The following CCDC6 variants were observed in gnomAD, a reference collection of about 807,000 sequenced individuals.
The protein encoded by CCDC6 is coiled-coil domain-containing protein 6.
A neutral mutation model predicts 56.6 loss-of-function variants in CCDC6; 20 were observed. The ratio of observed to expected loss-of-function variants is 0.35; its 90% CI spans 0.25 to 0.51. CCDC6 has a LOEUF of 0.51. Ranked by LOEUF, CCDC6 falls within the 20% of genes least tolerant of loss-of-function variation. CCDC6 has a pLI of 0.95. For missense variants in CCDC6, 367 were observed against 601.1 expected (o/e 0.61, Z 4.07); for synonymous variants, 241 against 234.4 (o/e 1.03, Z -0.26).
At chr10:59,880,522 G>C (rs907946240) in intron 1 of CCDC6, among the ~76,000 whole-genome samples, 4 of 152,238 alleles carry the variant, frequency 2.6e-5, no homozygotes, top group South Asian at 4.1e-4. Flanking sequence ...TGGCCGGAAG[G>C]GGGCACAGTG....
chr10:59,838,773 A>T (rs1352493302), intron 2 of CCDC6, among the ~76,000 whole-genome samples: 2 of 152,048 alleles, frequency 1.3e-5, no homozygotes, highest in Non-Finnish European at 2.9e-5. Flanking sequence ...TCTTACAGAA[A>T]CCATGCCACT....
At chr10:59,827,599 G>T (rs2070798940) in intron 3 of CCDC6, among the ~76,000 whole-genome samples, 1 of 152,164 alleles carries the variant, frequency 6.6e-6, no homozygotes, top group Admixed American at 6.5e-5. Flanking sequence ...TGAACCCAGG[G>T]AAGTTTCCCT....
At chr10:59,866,864 C>T (rs1186915755) in intron 1 of CCDC6, among the ~76,000 whole-genome samples, 1 of 152,138 alleles carries the variant, frequency 6.6e-6, no homozygotes, top group Admixed American at 6.5e-5. Flanking sequence ...GCTGTCAGTG[C>T]CTGAACATCA....
intron 8 of CCDC6, among the ~76,000 whole-genome samples, chr10:59,793,635 G>A (rs535773640): frequency 9.2e-5 from 14 of 152,222 alleles, no homozygotes; most frequent in South Asian, 8.3e-4. Flanking sequence ...AATACAAAAA[G>A]CAGCCAGGTG....
Position 59,814,599 on chromosome 10 carries a change from A to AACACACACACAC in CCDC6, c.686+41_686+52dup. 4 of 927,202 alleles carry AACACACACACAC rather than the reference A, an allele frequency of 4.3e-6. 1 individual carries two copies. The highest frequency in any genetic ancestry group is 2.8e-5 in the South Asian group (2 of 71,902). The allele number at this position is 927,202 out of a possible 1,614,324, so 57.4% of individuals were successfully genotyped here. On this transcript the variant is annotated intron_variant, in intron 4 of 8. Coordinates refer to ENST00000263102, the MANE Select transcript of CCDC6 (RefSeq NM_005436.5). ...ATTCCTCAGTCACACCCAGAGCAGC[A>AACACACACACAC]ACACACACACACACACACACACACC...
In CCDC6 at chr10:59,804,447, GAGA is replaced by G. The variant is rs766382605; in HGVS notation, c.1075_1077del (p.Ser359del). On this transcript the variant is annotated inframe_deletion, in exon 7 of 9. Coordinates refer to ENST00000263102, the MANE Select transcript of CCDC6 (RefSeq NM_005436.5). ...GGTGATATAGGCCTGCTTGAACTCG[GAGA>G]AGGTGTGTAAGGGATCGGGCTGGAC... 5.1e-5 allele frequency: 83 copies of G among 1,612,532 alleles called. No individual in the cohort carries two copies. Among genetic ancestry groups the G allele is most frequent in the Non-Finnish European group, 6.9e-5 (81 of 1,178,708 alleles).
chr10:59,849,746 G>A (rs1356072311), intron 2 of CCDC6, among the ~76,000 whole-genome samples: 1 of 152,080 alleles, frequency 6.6e-6, no homozygotes, highest in African/African-American at 2.4e-5. Flanking sequence ...TCTCTTAGCA[G>A]GCTTTTTTTT....
intron 7 of CCDC6, among the ~76,000 whole-genome samples, chr10:59,799,471 T>C (rs893344398): frequency 9.9e-5 from 15 of 152,184 alleles, no homozygotes; most frequent in Non-Finnish European, 1.0e-4. Flanking sequence ...ACTTCTGCAT[T>C]TGGCTTCAAA....
At chr10:59,884,306 G>C (rs1435911425) in intron 1 of CCDC6, among the ~76,000 whole-genome samples, 1 of 152,150 alleles carries the variant, frequency 6.6e-6, no homozygotes, top group Admixed American at 6.6e-5. Flanking sequence ...AAAAAGAAAG[G>C]ATTTCAGGTC....
rs527776497 is a variant in CCDC6 at position 59,836,818 on chromosome 10, G to A, written c.454-4165C>T. The stretch of plus-strand genomic sequence containing the variant: ...TCCCTCAGCAGATCACATTTTCAAC[G>A]GAATTAGGGTTATATAAATAAAAGT... On this transcript the variant is annotated intron_variant, in intron 2 of 8. Coordinates refer to ENST00000263102, the MANE Select transcript of CCDC6 (RefSeq NM_005436.5). Among the ~76,000 whole-genome samples, 9 of 152,196 alleles carry A rather than the reference G, an allele frequency of 5.9e-5. No individual in the cohort carries two copies. In the East Asian group the frequency reaches 1.3e-3, roughly 23 times the overall value.
At chr10:59,851,289 C>T (rs966850873) in intron 2 of CCDC6, among the ~76,000 whole-genome samples, 1 of 152,044 alleles carries the variant, frequency 6.6e-6, no homozygotes, top group Non-Finnish European at 1.5e-5. Flanking sequence ...GTGAGACATA[C>T]TAAAAGGTCA....
chr10:59,842,986 T>A (rs140960129), intron 2 of CCDC6, among the ~76,000 whole-genome samples: 1,826 of 151,088 alleles, frequency 0.012, 51 homozygotes, highest in Admixed American at 0.058. Flanking sequence ...ATCTCCCGAC[T>A]TCGTGATCCA....
intron 1 of CCDC6, among the ~76,000 whole-genome samples, chr10:59,883,077 T>G (rs1319869755): frequency 1.3e-5 from 2 of 152,158 alleles, no homozygotes; most frequent in Non-Finnish European, 2.9e-5. Flanking sequence ...GATATATTCG[T>G]ACCCCCGAAA....
At chr10:59,888,605 G>C (rs1377123208) in intron 1 of CCDC6, among the ~76,000 whole-genome samples, 1 of 152,164 alleles carries the variant, frequency 6.6e-6, no homozygotes, top group Non-Finnish European at 1.5e-5. Flanking sequence ...GGGAGACAAG[G>C]ATAATACCTT....
chr10:59,866,568 G>A lies in CCDC6; in HGVS notation c.304-13866C>T, dbSNP rs568524543. On this transcript the variant is annotated intron_variant, in intron 1 of 8. Transcript: ENST00000263102. ...TGATTGTATTCCTGGCAACATGGCA[G>A]GCTCTTCCATACAGTATCACATCCA... Among the ~76,000 whole-genome samples, 5 of 152,308 alleles carry A rather than the reference G, an allele frequency of 3.3e-5. No individual in the cohort carries two copies. The East Asian group carries it at 9.7e-4, about 29-fold the overall frequency.
rs774742619 is a variant in CCDC6, at chr10:59,792,764, T to C, written c.*153A>G. On this transcript the variant is annotated 3_prime_UTR_variant, in exon 9 of 9. Transcript: ENST00000263102. ...AGACCCACAACACTGGCTGCATTTCTGACAAACATTTACAACACAATGGAT... is the reference window on the plus strand; with the variant it reads ...AGACCCACAACACTGGCTGCATTTCCGACAAACATTTACAACACAATGGAT... The C allele has an allele frequency of 1.1e-6, 1 of 872,988 alleles. No individual in the cohort carries two copies. The highest frequency in any genetic ancestry group is 1.3e-5 in the South Asian group (1 of 75,904). The allele number at this position is 872,988 out of a possible 1,614,324, so 54.1% of individuals were successfully genotyped here.
At chr10:59,860,721 T>A (rs1017858848) in intron 1 of CCDC6, among the ~76,000 whole-genome samples, 1 of 152,072 alleles carries the variant, frequency 6.6e-6, no homozygotes, top group Non-Finnish European at 1.5e-5. Flanking sequence ...CCCATATACA[T>A]GACCTAATAG....
At position 59,812,765 on chromosome 10, in the gene CCDC6, G is replaced by A. The variant is rs774944149; in HGVS notation, c.717C>T (p.Val239=). 2 of 1,609,694 alleles carry A rather than the reference G, an allele frequency of 1.2e-6. No homozygotes were observed. The highest frequency in any genetic ancestry group is 2.2e-5 in the South Asian group (2 of 90,104). The change falls in exon 5 of 9, where the codon GTC becomes GTT. Residue 239 remains valine (V), a synonymous_variant. Coordinates refer to ENST00000263102, the MANE Select transcript of CCDC6 (RefSeq NM_005436.5). ...RILQEKLDQP[V]SAPPSPRDIS... ...TATCTCTAGGCGATGGTGGAGCAGA[G>A]ACGGGCTGGTCTAATTTTTCCTGCA...
intron 3 of CCDC6, among the ~76,000 whole-genome samples, chr10:59,823,354 C>T (rs2070762074): frequency 6.6e-6 from 1 of 152,130 alleles, no homozygotes; most frequent in Admixed American, 6.5e-5. Flanking sequence ...TTACAGGCAC[C>T]CCCGCCTAGA....
Sources: allele counts gnomAD v4.1 joint callset (sites outside exome capture counted in the v4.1 genomes callset), GRCh38; gene constraint gnomAD v4.1.1; transcripts MANE v1.5; gene names NCBI Gene and HGNC (gene_info 2026-07-23, HGNC 2026-07-21).